Variants in CCDC174 observed in about 807,000 individuals in gnomAD.
CCDC174 encodes coiled-coil domain-containing protein 174.
In CCDC174, 37 loss-of-function variants were observed where a neutral mutation model predicts 57.1. The observed-to-expected ratio is 0.65, with a 90% CI of 0.50 to 0.85. The LOEUF is 0.85. CCDC174 is among the 40% of genes least tolerant of loss of function. The probability of loss-of-function intolerance (pLI) is 0.00; values close to 1 mark genes in which losing one functional copy is unlikely to be tolerated. For synonymous variants in CCDC174, 182 were observed against 190.2 expected, an observed-to-expected ratio of 0.96 and a Z score of 0.35; for missense variants, 540 against 574.3, an observed-to-expected ratio of 0.94 and a Z score of 0.61.
chr3:14,661,809 C>A, intron 5 of CCDC174, 102 bp downstream of exon 5: 1 of 1,035,906 alleles, frequency 9.7e-7, no homozygotes, highest in Non-Finnish European at 1.4e-6. Flanking sequence ...TCTCTTTATT[C>A]TTCCTGGGTG....
intron 6 of CCDC174, among the ~76,000 whole-genome samples, chr3:14,666,477 G>C (rs1044490291): frequency 6.6e-5 from 10 of 152,094 alleles, no homozygotes; most frequent in African/African-American, 2.2e-4. Flanking sequence ...ACAAAAATTA[G>C]CCAGATGTGG....
At chr3:14,657,450 C>G (rs1272303802) in intron 3 of CCDC174, among the ~76,000 whole-genome samples, 2 of 152,202 alleles carry the variant, frequency 1.3e-5, no homozygotes, top group Non-Finnish European at 2.9e-5. Context: ...CTCTCATGCT[C>G]TGAATCCCAT....
chr3:14,671,328 T>A lies in CCDC174; in HGVS notation c.*134T>A. ...GGAGGCACAGACTTCGGGTTGGATT[T>A]GTCAGCAAGGAGGAAAGTTATGGAA... On this transcript the variant is annotated 3_prime_UTR_variant, in exon 11 of 11. Transcript: ENST00000383794. The A allele has an allele frequency of 1.1e-6, 1 of 929,262 alleles. No individual in the cohort carries two copies. Among genetic ancestry groups the A allele is most frequent in the East Asian group, 2.5e-5 (1 of 39,524 alleles). The allele number at this position is 929,262 out of a possible 1,614,324, so 57.6% of individuals were successfully genotyped here. A position where few individuals can be genotyped will look rare whatever the true frequency, so the allele number is the denominator to read the frequency against.
chr3:14,667,271 T>C, intron 7 of CCDC174, 153 bp from the exon 8 acceptor site: 1 of 679,954 alleles, frequency 1.5e-6, no homozygotes, highest in Non-Finnish European at 2.5e-6. Context: ...GTTTCTTTGG[T>C]TTTTTGTTTC....
chr3:14,664,574 T>C (rs922580623), intron 5 of CCDC174, among the ~76,000 whole-genome samples: 5 of 152,322 alleles, frequency 3.3e-5, no homozygotes, highest in Middle Eastern at 3.4e-3. Flanking sequence ...TGCTAATACA[T>C]TGGGTAGAAT....
intron 5 of CCDC174, among the ~76,000 whole-genome samples, chr3:14,662,546 A>G (rs2031177472): frequency 6.6e-6 from 1 of 152,128 alleles, no homozygotes; most frequent in South Asian, 2.1e-4. Flanking sequence ...TGTTACAATG[A>G]TTTTTTTCTA....
rs1335936092 is a variant in CCDC174, at chr3:14,658,910, G to T, written c.288G>T (p.Met96Ile). Residue 96 changes from methionine (M) to isoleucine (I), a missense_variant, in exon 4 of 11, where the codon ATG becomes ATT. Transcript: ENST00000383794. ...AAAAAGCCAAATTATATGAAAAAAT[G>T]ACTAAAGGAGACTTTATAGGTAAAT... ...LEEKAKLYEK[M>I]TKGDFIDEEV... The T allele has an allele frequency of 6.6e-7, 1 of 1,524,280 alleles. No homozygotes were observed. The highest frequency in any genetic ancestry group is 9.0e-7 in the Non-Finnish European group (1 of 1,112,434). 94.4% of individuals were successfully genotyped at this position (1,524,280 alleles called of 1,614,324 possible).
intron 7 of CCDC174, 96 bp from the exon 8 acceptor site, chr3:14,667,328 C>A: frequency 1.1e-6 from 1 of 906,282 alleles, no homozygotes; most frequent in Non-Finnish European, 1.8e-6. Flanking sequence ...TGCCAAATAT[C>A]ACTGTGTTTC....
intron 4 of CCDC174, 135 bp from the exon 5 acceptor site, chr3:14,661,395 A>G: frequency 1.5e-6 from 1 of 686,918 alleles, no homozygotes; most frequent in Non-Finnish European, 2.5e-6. Flanking sequence ...CTTTGTAAAC[A>G]TTTGGGGAGT....
chr3:14,654,001 T>A (rs2030868126), intron 1 of CCDC174, among the ~76,000 whole-genome samples: 1 of 152,248 alleles, frequency 6.6e-6, no homozygotes, highest in South Asian at 2.1e-4. Context: ...TAATTCATGT[T>A]TATGTTCTGC....
rs553364568 is a variant in CCDC174 at position 14,667,961 on chromosome 3, G to T, written c.820-88G>T. On this transcript the variant is annotated intron_variant, in intron 8 of 10. Transcript: ENST00000383794. The stretch of plus-strand genomic sequence containing the variant: ...AGGTGGCCTGAAGATCAATTAACTA[G>T]TCTATTTTTAGAAGAAAATTTCATC... 38 of 1,335,180 alleles carry T rather than the reference G, an allele frequency of 2.8e-5. No individual in the cohort carries two copies. In the African/African-American group the frequency reaches 5.6e-4, roughly 20 times the overall value. The allele number at this position is 1,335,180 out of a possible 1,614,324, so 82.7% of individuals were successfully genotyped here.
rs771935363 is a variant in CCDC174, at chr3:14,668,043, G to T, written c.820-6G>T. On this transcript the variant is annotated splice_polypyrimidine_tract_variant and splice_region_variant and intron_variant, in intron 8 of 10. Transcript: ENST00000383794. ...CAAGCAAATAATTTTCTGATTTTCT[G>T]TTCAGACAACAGATCAGAGAACAAA... The T allele has an allele frequency of 1.6e-5, 25 of 1,562,388 alleles. No homozygotes were observed. In the Admixed American group the frequency reaches 5.2e-4, roughly 32 times the overall value.
In CCDC174 at chr3:14,655,588, TGAACAGAAGATTGAA is replaced by T. The variant is rs1470995688; in HGVS notation, c.218_232del (p.Ile73_Lys77del). 1.9e-6 allele frequency: 3 copies of T among 1,610,168 alleles called. No individual in the cohort carries two copies. Among genetic ancestry groups the T allele is most frequent in the Admixed American group, 3.3e-5 (2 of 59,706 alleles). On this transcript the variant is annotated inframe_deletion, in exon 3 of 11. Coordinates refer to ENST00000383794, the MANE Select transcript of CCDC174 (RefSeq NM_016474.5). ...TTTCAAATCGAGCTGAGAAGGATGC[TGAACAGAAGATTGAA>T]GAACAGAAGACTTTAGACAAAGCAA...
chr3:14,664,982 T>C, intron 5 of CCDC174, 46 bp from the exon 6 acceptor site: 1 of 1,386,328 alleles, frequency 7.2e-7, no homozygotes, highest in South Asian at 1.2e-5. Flanking sequence ...TAGGGGCTTG[T>C]ACATGTGTAC....
At chr3:14,661,372 G>A (rs1011998323) in intron 4 of CCDC174, among the ~76,000 whole-genome samples, 158 bp from the exon 5 acceptor site, 11 of 152,170 alleles carry the variant, frequency 7.2e-5, no homozygotes, top group Non-Finnish European at 1.6e-4. Flanking sequence ...CAGTTCCCAA[G>A]GTAGCTGTGT....
At position 14,665,115 on chromosome 3, in the gene CCDC174, G is replaced by A. The variant is rs377329364; in HGVS notation, c.573G>A (p.Gln191=). The part of the protein sequence containing the change: ...PDLLEMDKNL[Q]GRLFISPANE... ...TGCTGGAGATGGATAAAAATCTTCA[G>A]GGGAGACTGTAAGTGTGTGTGGTAT... is the stretch of plus-strand genomic sequence containing the variant. The change falls in exon 6 of 11, where the codon CAG becomes CAA. Residue 191 remains glutamine, a synonymous_variant. Coordinates refer to ENST00000383794, the MANE Select transcript of CCDC174 (RefSeq NM_016474.5). 8.4e-5 allele frequency: 136 copies of A among 1,611,500 alleles called. No individual in the cohort carries two copies. The highest frequency in any genetic ancestry group is 1.1e-4 in the Non-Finnish European group (131 of 1,177,646).
chr3:14,652,570 T>C (rs6442464), intron 1 of CCDC174, among the ~76,000 whole-genome samples: 77,600 of 151,978 alleles, frequency 0.51, 19,954 homozygotes, highest in Non-Finnish European at 0.56. Flanking sequence ...AATTGAGGCC[T>C]GGAAAGATGA....
At chr3:14,661,000 A>G (rs996574281) in intron 4 of CCDC174, among the ~76,000 whole-genome samples, 1 of 152,168 alleles carries the variant, frequency 6.6e-6, no homozygotes, top group Non-Finnish European at 1.5e-5. Flanking sequence ...GCCGGGCTCT[A>G]TGCCTTGCCT....
At chr3:14,656,051 C>CCT (rs1286258376) in intron 3 of CCDC174, among the ~76,000 whole-genome samples, 2 of 151,888 alleles carry the variant, frequency 1.3e-5, no homozygotes, top group Non-Finnish European at 2.9e-5. Context: ...ATGTGCTTTC[C>CCT]CTCTCTCTCT....
Sources: gnomAD v4.1 joint callset for allele counts (sites outside exome capture counted in the v4.1 genomes callset) on GRCh38, gnomAD v4.1.1 for gene constraint, MANE v1.5 for transcripts, NCBI Gene and HGNC (gene_info 2026-07-23, HGNC 2026-07-21) for gene names.